NLRP14: variants seen among roughly 807,000 people sequenced by gnomAD.
NLRP14 encodes the protein NLR family pyrin domain containing 14, also known as NACHT, LRR and PYD domains-containing protein 14.
Under a neutral mutation model 94.7 loss-of-function variants are expected in NLRP14, and 105 were observed. The observed-to-expected ratio is 1.11, with a 90% CI of 0.95 to 1.30. The LOEUF is 1.30. Ranked by LOEUF, NLRP14 falls within the 50% of genes most tolerant of loss-of-function variation. The pLI, the probability that NLRP14 is intolerant of heterozygous loss-of-function variation, is 0.00. For missense variants in NLRP14, 1,362 were observed against 1,254.1 expected (o/e 1.09, Z -1.30); for synonymous variants, 508 against 459.9 (o/e 1.10, Z -1.34).
chr11:7,064,191 C>T (rs186861894), intron 10 of NLRP14, among the ~76,000 whole-genome samples: 4 of 152,148 alleles, frequency 2.6e-5, no homozygotes, highest in African/African-American at 7.2e-5. Context: ...AGATTTGTAT[C>T]GAATTGAAAC....
At chr11:7,038,966 A>G in intron 2 of NLRP14, 91 bp downstream of exon 2, 1 of 1,262,068 alleles carries the variant, frequency 7.9e-7, no homozygotes, top group South Asian at 1.4e-5. Flanking sequence ...GGATTTAGGG[A>G]TTAAACCATG....
chr11:7,081,505 T>C, the NLRP14 span, among the ~76,000 whole-genome samples: 1 of 151,186 alleles, frequency 6.6e-6, no homozygotes, highest in Non-Finnish European at 1.5e-5. Context: ...GATGCCATCT[T>C]TTTTTTTTAA....
chr11:7,043,412 C>T lies in NLRP14; in HGVS notation c.1386C>T (p.Asp462=). ...AATCTGATGTCTCTAGTTTTATGGA[C>T]AGCAATATTATTCAGAAGGACGCAG... ...LTQSDVSSFM[D]SNIIQKDAEY... is the part of the protein sequence containing the mutation. The change falls in exon 4 of 12, where the codon GAC becomes GAT. Residue 462 remains aspartate (D), a synonymous_variant. Coordinates refer to ENST00000299481, the MANE Select transcript of NLRP14 (RefSeq NM_176822.4). 6.2e-7 allele frequency: 1 copy of T among 1,614,004 alleles called. No individual in the cohort carries two copies. The highest frequency in any genetic ancestry group is 2.2e-5 in the East Asian group (1 of 44,876).
chr11:7,082,909 C>G, the NLRP14 span, among the ~76,000 whole-genome samples: 8 of 152,218 alleles, frequency 5.3e-5, no homozygotes, highest in Non-Finnish European at 1.0e-4. Context: ...AAGGCACAAT[C>G]TGACCCATCA....
chr11:7,088,087 G>A, the NLRP14 span, among the ~76,000 whole-genome samples: 1 of 152,136 alleles, frequency 6.6e-6, no homozygotes, highest in African/African-American at 2.4e-5. Context: ...AAACAAGTTA[G>A]AAAAGGGAAG....
downstream of NLRP14, among the ~76,000 whole-genome samples, chr11:7,073,858 A>G (rs1306157644): frequency 6.6e-6 from 1 of 152,144 alleles, no homozygotes; most frequent in Non-Finnish European, 1.5e-5. Flanking sequence ...AGCTCTCTGA[A>G]TCCCATCTTT....
chr11:7,074,304 G>C (rs140344672), downstream of NLRP14, among the ~76,000 whole-genome samples: 190 of 152,330 alleles, frequency 1.2e-3, 1 homozygote, highest in African/African-American at 3.6e-3. Flanking sequence ...ATTTGGCATA[G>C]GTGATACATA....
Position 7,042,434 on chromosome 11 carries a change from C to A in NLRP14, c.408C>A (p.Ile136=), listed in dbSNP as rs770963516. ...YRNRIKEKFC[I]TWDKKSLAGK... is the part of the protein sequence containing the mutation. ...ATAGAATAAAGGAAAAATTTTGCAT[C>A]ACTTGGGACAAGAAGTCTTTGGCTG... The change falls in exon 4 of 12, where the codon ATC becomes ATA. Residue 136 remains isoleucine, a synonymous_variant. Coordinates refer to ENST00000299481, the MANE Select transcript of NLRP14 (RefSeq NM_176822.4). 7.4e-6 allele frequency: 12 copies of A among 1,613,742 alleles called. No homozygotes were observed. In the East Asian group the frequency reaches 2.2e-4, roughly 30 times the overall value.
chr11:7,077,207 C>T, the NLRP14 span, among the ~76,000 whole-genome samples: 2 of 152,246 alleles, frequency 1.3e-5, no homozygotes, highest in Non-Finnish European at 2.9e-5. Flanking sequence ...GAGCCAGACG[C>T]CCTCGGAACT....
At chr11:7,089,088 CACCGCCACTGACCGACCGTTCG>C in the NLRP14 span, 5 of 1,602,784 alleles carry the variant, frequency 3.1e-6, no homozygotes, top group Non-Finnish European at 4.3e-6. Flanking sequence ...CACCGCCTCC[CACCGCCACTGACCGACCGTTCG>C]ACCGGCAAAC....
Position 7,062,403 on chromosome 11 carries a change from C to T in NLRP14, c.2875C>T (p.Leu959=), listed in dbSNP as rs992292659. ...TTCTGTTATTTTGAATAACCCAAACCTGAGGAGCCTGGACCTTGGGAACAA... is the reference window on the plus strand; with the variant it reads ...TTCTGTTATTTTGAATAACCCAAACTTGAGGAGCCTGGACCTTGGGAACAA... ...LASVILNNPN[L]RSLDLGNNDL... Residue 959 remains leucine, a synonymous_variant, in exon 10 of 12, where the codon CTG becomes TTG. Coordinates refer to ENST00000299481, the MANE Select transcript of NLRP14 (RefSeq NM_176822.4). 1 of 1,612,966 alleles carries T rather than the reference C, an allele frequency of 6.2e-7. No homozygotes were observed. The highest frequency in any genetic ancestry group is 1.3e-5 in the African/African-American group (1 of 74,830).
At chr11:7,045,709 C>A (rs1852337144) in intron 4 of NLRP14, among the ~76,000 whole-genome samples, 1 of 151,718 alleles carries the variant, frequency 6.6e-6, no homozygotes, top group African/African-American at 2.4e-5. Context: ...ATATATAAGG[C>A]AACACACTAG....
chr11:7,077,818 G>C, the NLRP14 span, among the ~76,000 whole-genome samples: 1 of 152,180 alleles, frequency 6.6e-6, no homozygotes, highest in Non-Finnish European at 1.5e-5. Flanking sequence ...ACCTCCCACT[G>C]GGTGCCTCCC....
At chr11:7,066,416 T>C (rs11041156) in intron 10 of NLRP14, among the ~76,000 whole-genome samples, 86,219 of 152,020 alleles carry the variant, frequency 0.57, 25,845 homozygotes, top group East Asian at 0.8. Flanking sequence ...TGGCATGAGA[T>C]GGTATCTCAC....
In NLRP14 at chr11:7,020,650, C is replaced by G. The variant is rs1851908258; in HGVS notation, c.-142C>G. ...GTGACCCTCACCACCGCGACGACCC[C>G]GAGGAAACGCTGTCAGGTCGCCTTT... On this transcript the variant is annotated 5_prime_UTR_variant, in exon 1 of 12. Transcript: ENST00000299481. 1 of 152,282 alleles carries G rather than the reference C, an allele frequency of 6.6e-6. No individual in the cohort carries two copies. Among genetic ancestry groups the G allele is most frequent in the Non-Finnish European group, 1.5e-5 (1 of 68,076 alleles). 9.4% of individuals were successfully genotyped at this position (152,282 alleles called of 1,614,324 possible).
At chr11:7,066,393 T>C (rs974249179) in intron 10 of NLRP14, among the ~76,000 whole-genome samples, 4 of 152,204 alleles carry the variant, frequency 2.6e-5, no homozygotes, top group Admixed American at 2.6e-4. Context: ...TTTTTAATGA[T>C]CACCATTCTA....
intron 10 of NLRP14, among the ~76,000 whole-genome samples, chr11:7,068,097 T>G (rs951925695): frequency 2.0e-5 from 3 of 152,144 alleles, no homozygotes; most frequent in Non-Finnish European, 4.4e-5. Flanking sequence ...TTTGCTTAAC[T>G]TCTTAATCAT....
rs775917808 is a variant in NLRP14, at chr11:7,042,891, A to C, written c.865A>C (p.Met289Leu). 6.2e-6 allele frequency: 10 copies of C among 1,614,158 alleles called. No individual in the cohort carries two copies. Among genetic ancestry groups the C allele is most frequent in the Admixed American group, 1.7e-5 (1 of 60,030 alleles). ...WTQEHPVSFL[M>L]SSLLRKVMLP... ...CCAAGAACACCCAGTGTCCTTCCTC[A>C]TGAGTAGTTTGCTGAGGAAAGTGAT... Residue 289 changes from methionine (M) to leucine (L), a missense_variant, in exon 4 of 12, where the codon ATG becomes CTG. Physicochemically the swap from Met to Leu is conservative, Grantham distance 15. Coordinates refer to ENST00000299481, the MANE Select transcript of NLRP14 (RefSeq NM_176822.4).
At chr11:7,078,354 C>A in the NLRP14 span, among the ~76,000 whole-genome samples, 13,621 of 146,078 alleles carry the variant, frequency 0.093, 679 homozygotes, top group Admixed American at 0.16. Context: ...AGGAGAATGG[C>A]TTGAACCTGG....
Sources: gnomAD v4.1 joint callset for allele counts (sites outside exome capture counted in the v4.1 genomes callset) on GRCh38, gnomAD v4.1.1 for gene constraint, MANE v1.5 for transcripts, NCBI Gene and HGNC (gene_info 2026-07-23, HGNC 2026-07-21) for gene names.